Variants in CPLX2 observed in about 807,000 individuals in gnomAD.
The protein encoded by CPLX2 is complexin-2.
Under a neutral mutation model 16.3 loss-of-function variants are expected in CPLX2, and 5 were observed. The observed-to-expected ratio is 0.31, with a 90% CI of 0.16 to 0.64. CPLX2 has a LOEUF of 0.64. Among genes scored for constraint, CPLX2 ranks in the 30% least tolerant of loss-of-function variants. The pLI, the probability that CPLX2 is intolerant of heterozygous loss-of-function variation, is 0.79. For synonymous variants in CPLX2, 89 were observed against 73.2 expected (o/e 1.22, Z -1.10); for missense variants, 144 against 181.4 (o/e 0.79, Z 1.18).
intron 1 of CPLX2, among the ~76,000 whole-genome samples, chr5:175,797,988 G>A (rs1274410027): frequency 1.3e-5 from 2 of 152,180 alleles, no homozygotes; most frequent in Non-Finnish European, 2.9e-5. Flanking sequence ...TGTCTCCGCG[G>A]AAGACAAGGC....
intron 2 of CPLX2, among the ~76,000 whole-genome samples, chr5:175,850,542 C>T (rs2113678256): frequency 6.6e-6 from 1 of 152,298 alleles, no homozygotes; most frequent in Non-Finnish European, 1.5e-5. Flanking sequence ...TGTTCCACAT[C>T]AAAAGGTGCA....
intron 2 of CPLX2, among the ~76,000 whole-genome samples, chr5:175,854,439 G>A (rs1415304809): frequency 2.6e-5 from 4 of 152,108 alleles, no homozygotes; most frequent in Non-Finnish European, 4.4e-5. Flanking sequence ...AATAGTCCAC[G>A]CAACCTTTCT....
At chr5:175,877,752 C>T (rs1003638815) in intron 1 of CPLX2, among the ~76,000 whole-genome samples, 8 of 152,206 alleles carry the variant, frequency 5.3e-5, no homozygotes, top group African/African-American at 1.9e-4. Flanking sequence ...CCACCACCTC[C>T]ACTGGAAGAG....
rs1283218615 is a variant in CPLX2, at chr5:175,845,718, G to A, written c.-88-32934G>A. On this transcript the variant is annotated intron_variant, in intron 2 of 4. Coordinates refer to the CPLX2 transcript ENST00000359546. This position sits in a 1 kb window ranked among gnomAD's most constrained non-coding sequence, Gnocchi z 4.0. ...GCACACTGCCTGGCACAGAGAAAGA[G>A]CCCGAGGGATATTTGTGGGATAAAT... is the stretch of plus-strand genomic sequence containing the variant. Among the ~76,000 whole-genome samples the A allele has an allele frequency of 6.6e-6, 1 of 152,188 alleles. No homozygotes were observed. The highest frequency in any genetic ancestry group is 2.4e-5 in the African/African-American group (1 of 41,446).
Position 175,834,986 on chromosome 5 carries a change from G to T in CPLX2, c.-89+25918G>T, listed in dbSNP as rs561367984. On this transcript the variant is annotated intron_variant, in intron 2 of 4. Transcript: ENST00000359546. The stretch of plus-strand genomic sequence containing the variant: ...AGAGTGCTCCAGAGAGGGACAACAG[G>T]AGGGGCAAAGGCCAGGGGGCAGGAC... Among the ~76,000 whole-genome samples, 5 of 152,350 alleles carry T rather than the reference G, an allele frequency of 3.3e-5. No individual in the cohort carries two copies. In the South Asian group the frequency reaches 1.0e-3, roughly 32 times the overall value.
chr5:175,867,267 C>T (rs1036155049), upstream of CPLX2, among the ~76,000 whole-genome samples: 1 of 152,062 alleles, frequency 6.6e-6, no homozygotes, highest in Non-Finnish European at 1.5e-5. Context: ...GCTGCACACA[C>T]ACACCCTTAC....
intron 1 of CPLX2, among the ~76,000 whole-genome samples, chr5:175,806,781 A>C (rs933567875): frequency 2.0e-5 from 3 of 151,924 alleles, no homozygotes. Context: ...TACAGGTGTG[A>C]GCCACTGCGA....
intron 2 of CPLX2, among the ~76,000 whole-genome samples, chr5:175,865,396 G>A (rs530284282): frequency 6.6e-6 from 1 of 152,264 alleles, no homozygotes; most frequent in East Asian, 1.9e-4. Flanking sequence ...GCACCAAGAT[G>A]GAAAGAACAT....
At chr5:175,828,793 C>T (rs1478773803) in intron 2 of CPLX2, among the ~76,000 whole-genome samples, 1 of 152,214 alleles carries the variant, frequency 6.6e-6, no homozygotes, top group African/African-American at 2.4e-5. Flanking sequence ...GCAATTTCTG[C>T]CCCGTGCATA....
exon 1 of CPLX2, chr5:175,796,580 G>A (rs572080403): frequency 2.0e-5 from 3 of 152,318 alleles, no homozygotes; most frequent in Non-Finnish European, 4.4e-5. Flanking sequence ...CTTAGGGGGA[G>A]GCCTCTGGGC....
At chr5:175,841,243 T>TC (rs1430413570) in intron 2 of CPLX2, among the ~76,000 whole-genome samples, 1 of 151,238 alleles carries the variant, frequency 6.6e-6, no homozygotes, top group Admixed American at 6.6e-5. Flanking sequence ...ACCACATACA[T>TC]CCCCCCAAAA....
chr5:175,875,988 G>A (rs1241247272), intron 1 of CPLX2, among the ~76,000 whole-genome samples: 1 of 152,042 alleles, frequency 6.6e-6, no homozygotes, highest in African/African-American at 2.4e-5. Flanking sequence ...AAGCAGAGGT[G>A]GCCGGAGAAG....
At chr5:175,866,596 G>A (rs576493045), upstream of CPLX2, among the ~76,000 whole-genome samples, 6 of 152,200 alleles carry the variant, frequency 3.9e-5, no homozygotes, top group South Asian at 1.2e-3. Context: ...GGGTGGGACG[G>A]GATGAAGGCT....
rs1029061006 is a variant in CPLX2, at chr5:175,817,814, G to A, written c.-89+8746G>A. ...TGTATCCATTTCTGGTTCACAAAAG[G>A]AAACAGAGAAACCCATCACACATGG... On this transcript the variant is annotated intron_variant, in intron 2 of 4. Transcript: ENST00000359546. Among the ~76,000 whole-genome samples the A allele has an allele frequency of 6.6e-5, 10 of 152,154 alleles. No homozygotes were observed. The East Asian group carries it at 1.7e-3, about 26-fold the overall frequency.
At position 175,878,671 on chromosome 5, in the gene CPLX2, C is replaced by T; in HGVS notation, c.-69C>T. 6.3e-7 allele frequency: 1 copy of T among 1,576,330 alleles called. No homozygotes were observed. Among genetic ancestry groups the T allele is most frequent in the Non-Finnish European group, 8.6e-7 (1 of 1,156,868 alleles). On this transcript the variant is annotated 5_prime_UTR_variant, in exon 2 of 4. Coordinates refer to ENST00000393745, the MANE Select transcript of CPLX2 (RefSeq NM_001008220.2). ...CTGCAGGTTGTCACATCTTCCCAAG[C>T]CAGGCCAGCCAGGAGCGCTGCATGC...
intron 1 of CPLX2, among the ~76,000 whole-genome samples, chr5:175,801,172 A>AAAAAC (rs1554117479): frequency 2.0e-5 from 3 of 151,614 alleles, no homozygotes; most frequent in Non-Finnish European, 2.9e-5. Flanking sequence ...AAAAAAAAAA[A>AAAAAC]AAAACTGGGT....
At chr5:175,861,869 G>A (rs1031040436) in intron 2 of CPLX2, 1 of 152,242 alleles carries the variant, frequency 6.6e-6, no homozygotes, top group African/African-American at 2.4e-5. Flanking sequence ...AAGAGGTTCT[G>A]GCAGAGTCCT....
intron 1 of CPLX2, among the ~76,000 whole-genome samples, chr5:175,806,086 G>A (rs890187874): frequency 6.6e-6 from 1 of 152,130 alleles, no homozygotes; most frequent in African/African-American, 2.4e-5. Flanking sequence ...GAGGTGCCTG[G>A]AAGGATCTAG....
intron 1 of CPLX2, among the ~76,000 whole-genome samples, chr5:175,806,233 C>G (rs561915839): frequency 2.6e-5 from 4 of 152,238 alleles, no homozygotes; most frequent in African/African-American, 7.2e-5. Context: ...GCCAAGCCAC[C>G]TTCCTCCCAG....
Sources: gnomAD v4.1 joint callset for allele counts (sites outside exome capture counted in the v4.1 genomes callset) on GRCh38, gnomAD v4.1.1 for gene constraint, Gnocchi (gnomAD v3.1) non-coding constraint, MANE v1.5 for transcripts, NCBI Gene and HGNC (gene_info 2026-07-23, HGNC 2026-07-21) for gene names.